Variants in FAM107A observed in about 807,000 individuals in gnomAD.
FAM107A encodes the protein actin-associated protein FAM107A.
A neutral mutation model predicts 13.7 loss-of-function variants in FAM107A; 19 were observed. The ratio of observed to expected loss-of-function variants is 1.38; its 90% CI spans 0.97 to 2.03. The LOEUF is 2.03. Ranked by LOEUF, FAM107A falls within the 30% of genes most tolerant of loss-of-function variation. The pLI is 0.00. For missense variants in FAM107A, 203 were observed against 184.4 expected, an observed-to-expected ratio of 1.10 and a Z score of -0.58; for synonymous variants, 82 against 74.5, an observed-to-expected ratio of 1.10 and a Z score of -0.52.
chr3:58,611,788 C>T (rs964274860), intron 1 of FAM107A, among the ~76,000 whole-genome samples: 2 of 152,130 alleles, frequency 1.3e-5, no homozygotes, highest in Non-Finnish European at 1.5e-5. Context: ...ACAGTAGTGC[C>T]GACTTCACGG....
chr3:58,579,694 C>T (rs1168194144), upstream of FAM107A, among the ~76,000 whole-genome samples: 3 of 152,140 alleles, frequency 2.0e-5, no homozygotes, highest in East Asian at 1.9e-4. Context: ...GATCCTGGAG[C>T]GGGGGAACTT....
intron 1 of FAM107A, among the ~76,000 whole-genome samples, chr3:58,570,129 G>A (rs952858781): frequency 6.6e-6 from 1 of 152,130 alleles, no homozygotes; most frequent in African/African-American, 2.4e-5. Flanking sequence ...AATGATAACG[G>A]GTCACAAAAT....
At chr3:58,610,644 G>A (rs2108077442) in intron 1 of FAM107A, among the ~76,000 whole-genome samples, 1 of 152,368 alleles carries the variant, frequency 6.6e-6, no homozygotes, top group South Asian at 2.1e-4. Context: ...GTGGTGTATA[G>A]TAAGTGCTCA....
intron 1 of FAM107A, among the ~76,000 whole-genome samples, chr3:58,621,000 ACT>A (rs1379163607): frequency 6.6e-6 from 1 of 151,884 alleles, no homozygotes; most frequent in African/African-American, 2.4e-5. Flanking sequence ...AGAAATGTCA[ACT>A]CTAACTTTTT....
chr3:58,618,544 C>T (rs188643371), intron 1 of FAM107A, among the ~76,000 whole-genome samples: 2 of 152,268 alleles, frequency 1.3e-5, no homozygotes, highest in Non-Finnish European at 2.9e-5. Context: ...GCCTCTGAGG[C>T]GAATATTTTA....
intron 1 of FAM107A, among the ~76,000 whole-genome samples, chr3:58,612,803 G>A (rs1334440638): frequency 6.6e-6 from 1 of 152,178 alleles, no homozygotes; most frequent in East Asian, 1.9e-4. Context: ...ATTGTGGAAA[G>A]TATTGGAAAA....
intron 1 of FAM107A, among the ~76,000 whole-genome samples, chr3:58,624,672 G>A (rs562515423): frequency 6.6e-6 from 1 of 152,270 alleles, no homozygotes; most frequent in South Asian, 2.1e-4. Context: ...TAGGATTCTA[G>A]GCAAAGCCTA....
intron 1 of FAM107A, among the ~76,000 whole-genome samples, chr3:58,583,807 A>C (rs1343752830): frequency 2.6e-5 from 4 of 151,850 alleles, no homozygotes; most frequent in African/African-American, 9.7e-5. Flanking sequence ...CAGCCTCCTG[A>C]GTAGCTAGGA....
At chr3:58,621,666 A>G (rs1350750254) in intron 1 of FAM107A, among the ~76,000 whole-genome samples, 9 of 152,218 alleles carry the variant, frequency 5.9e-5, no homozygotes, top group Non-Finnish European at 7.3e-5. Flanking sequence ...CATTTTAGGG[A>G]TGAGGAAAGC....
rs1434637007 is a variant in FAM107A at position 58,586,811 on chromosome 3, C to A, written c.79+47G>T. 12 of 1,504,178 alleles carry A rather than the reference C, an allele frequency of 8.0e-6. No homozygotes were observed. The South Asian group carries it at 1.5e-4, about 19-fold the overall frequency. 93.2% of individuals were successfully genotyped at this position (1,504,178 alleles called of 1,614,324 possible). A position where few individuals can be genotyped will look rare whatever the true frequency, so the allele number is the denominator to read the frequency against. On this transcript the variant is annotated intron_variant, in intron 1 of 3. Coordinates refer to the FAM107A transcript ENST00000447756. ...GACTGAGCGCCGTGCACCACAGAGC[C>A]CTCCTCGCCCACTTCCCGCGGCGAG...
chr3:58,622,319 T>C (rs1303220352), intron 1 of FAM107A, among the ~76,000 whole-genome samples: 2 of 152,210 alleles, frequency 1.3e-5, no homozygotes, highest in African/African-American at 4.8e-5. Context: ...TGCACACCTG[T>C]AATCTTAGTT....
intron 1 of FAM107A, among the ~76,000 whole-genome samples, chr3:58,625,277 T>A (rs2066002568): frequency 1.3e-5 from 2 of 152,124 alleles, no homozygotes; most frequent in Admixed American, 6.5e-5. Context: ...ATAACCTCCG[T>A]TATCCTAATT....
intron 1 of FAM107A, among the ~76,000 whole-genome samples, chr3:58,616,465 T>G (rs538986497): frequency 6.6e-6 from 1 of 151,582 alleles, no homozygotes; most frequent in East Asian, 2.0e-4. Flanking sequence ...TGTAGTCAAG[T>G]TAAGATGAGG....
intron 1 of FAM107A, among the ~76,000 whole-genome samples, chr3:58,614,506 CT>C (rs200625039): frequency 2.6e-3 from 358 of 139,282 alleles, no homozygotes; most frequent in South Asian, 2.9e-3. Flanking sequence ...TTCTTTCTTT[CT>C]TTTTTTTTTT....
chr3:58,570,917 T>G (rs2063677340), intron 1 of FAM107A, among the ~76,000 whole-genome samples: 5 of 152,358 alleles, frequency 3.3e-5, no homozygotes, highest in African/African-American at 9.6e-5. Flanking sequence ...CATGTGATTT[T>G]CATGTGGCAA....
chr3:58,591,779 G>A (rs144386932), upstream of FAM107A, among the ~76,000 whole-genome samples: 2 of 152,122 alleles, frequency 1.3e-5, no homozygotes, highest in Non-Finnish European at 2.9e-5. This position sits in a 1 kb window ranked among gnomAD's most constrained non-coding sequence, Gnocchi z 4.3. Flanking sequence ...TCACCATACT[G>A]TACTCGCCTT....
At chr3:58,583,403 A>G (rs2108059154) in intron 1 of FAM107A, among the ~76,000 whole-genome samples, 1 of 152,170 alleles carries the variant, frequency 6.6e-6, no homozygotes, top group South Asian at 2.1e-4. Context: ...CGGGTGGATG[A>G]CCTCAGGTCA....
At chr3:58,585,987 C>T (rs1313865767) in intron 1 of FAM107A, among the ~76,000 whole-genome samples, 1 of 152,206 alleles carries the variant, frequency 6.6e-6, no homozygotes, top group Non-Finnish European at 1.5e-5. Context: ...ATCATCCAAC[C>T]CCCAACCTTA....
chr3:58,589,306 C>A (rs1326231086), upstream of FAM107A: 20 of 1,418,112 alleles, frequency 1.4e-5, no homozygotes, highest in Non-Finnish European at 1.9e-5. Context: ...GTTGAGGACC[C>A]TTGGTTCTTT....
Sources: allele counts gnomAD v4.1 joint callset (sites outside exome capture counted in the v4.1 genomes callset), GRCh38; gene constraint gnomAD v4.1.1; non-coding constraint Gnocchi (gnomAD v3.1); transcripts MANE v1.5; gene names NCBI Gene and HGNC (gene_info 2026-07-23, HGNC 2026-07-21).